ITGA8: variants seen among roughly 807,000 people sequenced by gnomAD.
ITGA8 encodes the protein integrin alpha-8.
In ITGA8, 91 loss-of-function variants were observed where a neutral mutation model predicts 142.3. The ratio of observed to expected loss-of-function variants is 0.64; its 90% CI spans 0.54 to 0.76. The LOEUF is 0.76. Ranked by LOEUF, ITGA8 falls within the 30% of genes least tolerant of loss-of-function variation. The pLI, the probability that ITGA8 is intolerant of heterozygous loss-of-function variation, is 0.00. For synonymous variants in ITGA8, 505 were observed against 485.2 expected (o/e 1.04, Z -0.54); for missense variants, 1,406 against 1,327.7 (o/e 1.06, Z -0.92).
In ITGA8 at chr10:15,616,627, G is replaced by A. The variant is rs375094368; in HGVS notation, c.1400-68C>T. On this transcript the variant is annotated intron_variant, in intron 13 of 29. Coordinates refer to ENST00000378076, the MANE Select transcript of ITGA8 (RefSeq NM_003638.3). Reference sequence around the variant, plus strand: ...GAAACAATTTACTAAGTTCAAAATCGTAAGTAGCACATAGAATACCCCTAC... The same window carrying A: ...GAAACAATTTACTAAGTTCAAAATCATAAGTAGCACATAGAATACCCCTAC... The A allele has an allele frequency of 2.4e-4, 314 of 1,321,034 alleles. 2 individuals carry two copies. The highest frequency in any genetic ancestry group is 1.4e-3 in the Middle Eastern group (8 of 5,554). The allele number at this position is 1,321,034 out of a possible 1,614,324, so 81.8% of individuals were successfully genotyped here. A position where few individuals can be genotyped will look rare whatever the true frequency, so the allele number is the denominator to read the frequency against.
At chr10:15,659,840 A>G (rs1834253183) in intron 9 of ITGA8, among the ~76,000 whole-genome samples, 1 of 152,172 alleles carries the variant, frequency 6.6e-6, no homozygotes, top group African/African-American at 2.4e-5. Flanking sequence ...AAGCCAAGGA[A>G]TGCCAGGGAC....
intron 23 of ITGA8, among the ~76,000 whole-genome samples, chr10:15,577,413 A>G (rs1370051156): frequency 6.6e-6 from 1 of 152,104 alleles, no homozygotes; most frequent in Non-Finnish European, 1.5e-5. Flanking sequence ...GATCCTAAGT[A>G]CCATCTACTC....
intron 9 of ITGA8, among the ~76,000 whole-genome samples, chr10:15,660,502 C>T (rs1190545505): frequency 6.6e-6 from 1 of 152,180 alleles, no homozygotes; most frequent in African/African-American, 2.4e-5. Context: ...CATTTCTTTG[C>T]GTATACAGAT....
intron 2 of ITGA8, among the ~76,000 whole-genome samples, chr10:15,705,171 A>G (rs1008404754): frequency 6.6e-5 from 10 of 152,152 alleles, no homozygotes; most frequent in Non-Finnish European, 8.8e-5. Context: ...GGGCCATGCT[A>G]TAGGCTGAAC....
At chr10:15,696,005 ACT>A (rs1471732999) in intron 2 of ITGA8, among the ~76,000 whole-genome samples, 3 of 152,054 alleles carry the variant, frequency 2.0e-5, no homozygotes, top group African/African-American at 4.8e-5. Context: ...AGCCTGCCAG[ACT>A]CTGCGTGAAA....
At chr10:15,557,421 A>G (rs1224938062) in intron 26 of ITGA8, among the ~76,000 whole-genome samples, 1 of 152,212 alleles carries the variant, frequency 6.6e-6, no homozygotes, top group East Asian at 1.9e-4. Flanking sequence ...CACTGAAGAT[A>G]GTATTGCTAA....
intron 8 of ITGA8, among the ~76,000 whole-genome samples, chr10:15,669,444 G>A (rs949813966): frequency 5.9e-5 from 9 of 151,978 alleles, no homozygotes; most frequent in South Asian, 2.1e-4. Flanking sequence ...AAGCTTTTAC[G>A]TTCTTTGCCA....
chr10:15,663,498 A>G (rs947526569), intron 8 of ITGA8, among the ~76,000 whole-genome samples: 2 of 152,108 alleles, frequency 1.3e-5, no homozygotes, highest in Non-Finnish European at 1.5e-5. Context: ...CTTTCCCTAC[A>G]ATATACTCTT....
Position 15,561,235 on chromosome 10 carries a change from GTATATATATA to G in ITGA8, c.2638-3043_2638-3034del, listed in dbSNP as rs796194795. 3.8e-3 allele frequency among the ~76,000 whole-genome samples: 390 copies of G among 101,448 alleles called. 5 individuals are homozygous for G. The highest frequency in any genetic ancestry group is 0.01 in the African/African-American group (324 of 31,842). The allele number at this position is 101,448 out of a possible 152,430, so 66.6% of individuals were successfully genotyped here. ...TATATATATATATATATATATATAT[GTATATATATA>G]TATATATATGTATGTAAAATGTTTA... On this transcript the variant is annotated intron_variant, in intron 25 of 29. Coordinates refer to ENST00000378076, the MANE Select transcript of ITGA8 (RefSeq NM_003638.3).
chr10:15,571,942 T>G (rs1464034356), intron 25 of ITGA8, among the ~76,000 whole-genome samples: 1 of 152,194 alleles, frequency 6.6e-6, no homozygotes, highest in Admixed American at 6.5e-5. Flanking sequence ...GTGCTGCTAA[T>G]TGAGCCAAAA....
intron 11 of ITGA8, among the ~76,000 whole-genome samples, chr10:15,651,509 C>G (rs1390207512): frequency 6.6e-6 from 1 of 151,426 alleles, no homozygotes; most frequent in Admixed American, 6.6e-5. Context: ...CACCAGTTAA[C>G]TTATCTGGTC....
intron 2 of ITGA8, among the ~76,000 whole-genome samples, chr10:15,695,966 C>CCTTATCCTTGCCA (rs1287919633): frequency 6.6e-6 from 1 of 152,182 alleles, no homozygotes; most frequent in Non-Finnish European, 1.5e-5. Flanking sequence ...TCCAGACTTT[C>CCTTATCCTTGCCA]ACACCCTATC....
At chr10:15,537,635 G>A (rs1431710386) in intron 27 of ITGA8, among the ~76,000 whole-genome samples, 1 of 151,992 alleles carries the variant, frequency 6.6e-6, no homozygotes, top group Non-Finnish European at 1.5e-5. Context: ...GAAGTGTGTG[G>A]GCTAAAATAG....
Position 15,719,680 on chromosome 10 carries a change from A to G in ITGA8, c.92T>C (p.Leu31Pro). ...GAACGCCTGACAGGCGGGGGACCAC[A>G]GCAACATCCCCAGCGCGGCCGCGGC... is the stretch of plus-strand genomic sequence containing the variant. Reference protein sequence around the residue: ...CCAAAALGMLLWSPACQAFNL... With the variant: ...CCAAAALGMLPWSPACQAFNL... The change falls in exon 1 of 30, where the codon CTG becomes CCG. Residue 31 changes from leucine (L) to proline (P), a missense_variant. By Grantham distance (98) the Leu-to-Pro change is moderately conservative (BLOSUM62 -3). Transcript: ENST00000378076. 1 of 1,490,688 alleles carries G rather than the reference A, an allele frequency of 6.7e-7. No individual in the cohort carries two copies. Among genetic ancestry groups the G allele is most frequent in the Non-Finnish European group, 8.8e-7 (1 of 1,130,368 alleles). 92.3% of individuals were successfully genotyped at this position (1,490,688 alleles called of 1,614,324 possible).
chr10:15,574,712 T>TAG (rs1211094778), intron 24 of ITGA8, among the ~76,000 whole-genome samples: 1 of 134,890 alleles, frequency 7.4e-6, no homozygotes, highest in Non-Finnish European at 1.6e-5. Flanking sequence ...TGTATATATA[T>TAG]ATTTTTTTTT....
intron 15 of ITGA8, 59 bp from the exon 16 acceptor site, chr10:15,608,349 T>G: frequency 1.0e-6 from 1 of 960,254 alleles, no homozygotes; most frequent in Non-Finnish European, 1.6e-6. Flanking sequence ...AGTAGAAGCC[T>G]TCCTTTACCT....
intron 28 of ITGA8, among the ~76,000 whole-genome samples, chr10:15,529,122 T>A (rs1479043985): frequency 6.6e-6 from 1 of 152,012 alleles, no homozygotes; most frequent in African/African-American, 2.4e-5. Flanking sequence ...AGACGAGGTC[T>A]CGCCCAGGTT....
At chr10:15,607,398 G>C (rs1833214262) in intron 17 of ITGA8, among the ~76,000 whole-genome samples, 2 of 152,116 alleles carry the variant, frequency 1.3e-5, no homozygotes, top group Non-Finnish European at 2.9e-5. Flanking sequence ...TTTTGGGGAG[G>C]AGGTGGGTAG....
At chr10:15,699,613 C>T (rs1404505950) in intron 2 of ITGA8, among the ~76,000 whole-genome samples, 2 of 152,182 alleles carry the variant, frequency 1.3e-5, no homozygotes, top group Non-Finnish European at 2.9e-5. Context: ...AGTTTTCCCA[C>T]TTCTACTCTG....
Sources: gnomAD v4.1 joint callset for allele counts (sites outside exome capture counted in the v4.1 genomes callset) on GRCh38, gnomAD v4.1.1 for gene constraint, MANE v1.5 for transcripts, NCBI Gene and HGNC (gene_info 2026-07-23, HGNC 2026-07-21) for gene names.